The following LMO7 variants were observed in gnomAD, a reference collection of about 807,000 sequenced individuals.
The protein encoded by LMO7 is LIM domain only protein 7.
In LMO7, 120 loss-of-function variants were observed where a neutral mutation model predicts 206.5. The ratio of observed to expected loss-of-function variants is 0.58; its 90% CI spans 0.50 to 0.68. The LOEUF is 0.68. Ranked by LOEUF, LMO7 falls within the 30% of genes least tolerant of loss-of-function variation. The pLI is 0.00. For synonymous variants in LMO7, 706 were observed against 681.5 expected (o/e 1.04, Z -0.56); for missense variants, 1,959 against 1,957.9 (o/e 1.00, Z -0.01).
chr13:75,728,965 G>A (rs541934762), intron 3 of LMO7, among the ~76,000 whole-genome samples: 1 of 151,968 alleles, frequency 6.6e-6, no homozygotes, highest in South Asian at 2.1e-4. Context: ...TCAGGGCTCT[G>A]TTCTGTTCCA....
At chr13:75,814,127 C>G (rs2056743310) in intron 11 of LMO7, among the ~76,000 whole-genome samples, 1 of 152,154 alleles carries the variant, frequency 6.6e-6, no homozygotes, top group South Asian at 2.1e-4. Context: ...CATATATTCT[C>G]TCAATATAAT....
chr13:75,673,029 T>C (rs1476403814), intron 1 of LMO7, among the ~76,000 whole-genome samples: 1 of 152,204 alleles, frequency 6.6e-6, no homozygotes, highest in Non-Finnish European at 1.5e-5. Context: ...ATTACAAAAA[T>C]TTTTCTCATT....
intron 12 of LMO7, 63 bp downstream of exon 12, chr13:75,817,341 A>G (rs2057118656): frequency 4.8e-6 from 5 of 1,040,046 alleles, no homozygotes; most frequent in Middle Eastern, 2.1e-4. Flanking sequence ...TGCTTCTCTT[A>G]AAGTCAATAT....
intron 4 of LMO7, among the ~76,000 whole-genome samples, chr13:75,764,132 A>G (rs2048549025): frequency 6.6e-6 from 1 of 152,116 alleles, no homozygotes; most frequent in Non-Finnish European, 1.5e-5. Context: ...ATCAGGTGAC[A>G]CCTTTAATTT....
chr13:75,784,997 A>G lies in LMO7; in HGVS notation c.318-10404A>G, dbSNP rs140143839. On this transcript the variant is annotated intron_variant, in intron 4 of 30. Transcript: ENST00000377534. The stretch of plus-strand genomic sequence containing the variant: ...AAGTCTTTTAAAAAGTGCTTTGGCA[A>G]TATTTCATTTGTGAAATTCTGTAGT... Among the ~76,000 whole-genome samples, 452 of 152,252 alleles carry G rather than the reference A, an allele frequency of 3.0e-3. 1 individual carries two copies. Among genetic ancestry groups the G allele is most frequent in the African/African-American group, 9.8e-3 (408 of 41,572 alleles).
Position 75,807,715 on chromosome 13 carries a change from C to T in LMO7, c.1432C>T (p.Leu478Phe), listed in dbSNP as rs754225568. Residue 478 changes from leucine to phenylalanine, a missense_variant, in exon 10 of 31, where the codon CTC becomes TTC. Physicochemically the swap from Leu to Phe is conservative, Grantham distance 22. Coordinates refer to ENST00000377534, the MANE Select transcript of LMO7 (RefSeq NM_001306080.2). ...GGCTTTCCATGCAAATCCATATGTT[C>T]TCCGAGCTTTTGAAGACTTTAGAAA... ...TGAFHANPYVLRAFEDFRKFS... is the reference protein window; with the variant it reads ...TGAFHANPYVFRAFEDFRKFS... 8.1e-6 allele frequency: 13 copies of T among 1,613,826 alleles called. No individual in the cohort carries two copies. The highest frequency in any genetic ancestry group is 8.5e-6 in the Non-Finnish European group (10 of 1,179,896).
chr13:75,802,311 T>G (rs1180673936), intron 7 of LMO7, among the ~76,000 whole-genome samples: 1 of 152,216 alleles, frequency 6.6e-6, no homozygotes, highest in African/African-American at 2.4e-5. Context: ...TGTCAAGGTG[T>G]GACATTTTCA....
intron 3 of LMO7, among the ~76,000 whole-genome samples, chr13:75,731,153 T>A (rs1225590653): frequency 6.6e-6 from 1 of 152,202 alleles, no homozygotes; most frequent in Non-Finnish European, 1.5e-5. Flanking sequence ...GTCCGCCTGG[T>A]GCAGAGCCGA....
At chr13:75,758,699 A>T (rs2047891247) in intron 3 of LMO7, among the ~76,000 whole-genome samples, 1 of 152,148 alleles carries the variant, frequency 6.6e-6, no homozygotes, top group African/African-American at 2.4e-5. Context: ...TATCCTTATC[A>T]ATCTGTACCT....
At chr13:75,771,587 G>GACTTTAAAAACAGAATTTTTAAAGAC (rs1555315460) in intron 4 of LMO7, among the ~76,000 whole-genome samples, 1 of 23,964 alleles carries the variant, frequency 4.2e-5, no homozygotes, top group African/African-American at 1.6e-4. Context: ...AACAGAATTA[G>GACTTTAAAAACAGAATTTTTAAAGAC]TAAGTATATT....
intron 4 of LMO7, among the ~76,000 whole-genome samples, chr13:75,784,900 C>A (rs909588475): frequency 6.6e-6 from 1 of 152,054 alleles, no homozygotes; most frequent in African/African-American, 2.4e-5. Flanking sequence ...AAGGACCCAG[C>A]AGTGGTAAAA....
chr13:75,661,249 T>C (rs940119328), intron 1 of LMO7, among the ~76,000 whole-genome samples: 2 of 152,200 alleles, frequency 1.3e-5, no homozygotes, highest in African/African-American at 2.4e-5. Flanking sequence ...TGTGTATATA[T>C]AGTAGATGCC....
At position 75,823,497 on chromosome 13, in the gene LMO7, A is replaced by G. The variant is rs942936591; in HGVS notation, c.2641-68A>G. Reference sequence around the variant, plus strand: ...TTTAGTTTTAAAATATTAATTTAATAAACAACTTTTAAAAACAGAAATAAA... The same window carrying G: ...TTTAGTTTTAAAATATTAATTTAATGAACAACTTTTAAAAACAGAAATAAA... On this transcript the variant is annotated intron_variant, in intron 14 of 30. Transcript: ENST00000377534. 5 of 1,208,518 alleles carry G rather than the reference A, an allele frequency of 4.1e-6. No homozygotes were observed. The African/African-American group carries it at 7.8e-5, about 19-fold the overall frequency. The allele number at this position is 1,208,518 out of a possible 1,614,324, so 74.9% of individuals were successfully genotyped here. A position where few individuals can be genotyped will look rare whatever the true frequency, so the allele number is the denominator to read the frequency against.
At chr13:75,766,320 C>T (rs899633052) in intron 4 of LMO7, among the ~76,000 whole-genome samples, 5 of 139,968 alleles carry the variant, frequency 3.6e-5, no homozygotes, top group African/African-American at 1.3e-4. Flanking sequence ...ATGTCCTATT[C>T]TGGCCTGATT....
intron 1 of LMO7, among the ~76,000 whole-genome samples, chr13:75,648,477 G>C (rs1036241206): frequency 1.3e-5 from 2 of 152,032 alleles, no homozygotes; most frequent in African/African-American, 4.8e-5. Context: ...ATCTTCCTCT[G>C]TTTCTCACCC....
chr13:75,741,744 G>A (rs1380020278), intron 3 of LMO7, among the ~76,000 whole-genome samples: 1 of 152,088 alleles, frequency 6.6e-6, no homozygotes, highest in Admixed American at 6.6e-5. Flanking sequence ...AATAATAAGA[G>A]CCATCTTTGA....
rs139960268 is a variant in LMO7, at chr13:75,696,378, C to G, written c.70-16804C>G. ...TCAAAAAAACAAACAAACAAACAAA[C>G]AAACAAAAACCCGAAGCATTTAAAG... On this transcript the variant is annotated intron_variant, in intron 1 of 30. Coordinates refer to ENST00000377534, the MANE Select transcript of LMO7 (RefSeq NM_001306080.2). Among the ~76,000 whole-genome samples, 845 of 145,564 alleles carry G rather than the reference C, an allele frequency of 5.8e-3. 15 individuals are homozygous for G. The highest frequency in any genetic ancestry group is 0.019 in the African/African-American group (790 of 41,088).
chr13:75,757,975 G>A (rs2047824886), intron 3 of LMO7, among the ~76,000 whole-genome samples: 1 of 152,020 alleles, frequency 6.6e-6, no homozygotes, highest in South Asian at 2.1e-4. Flanking sequence ...GTTGGGCCAG[G>A]GAGGGTTGGG....
intron 3 of LMO7, among the ~76,000 whole-genome samples, chr13:75,755,796 A>G (rs2047644521): frequency 6.6e-6 from 1 of 152,192 alleles, no homozygotes; most frequent in Non-Finnish European, 1.5e-5. Flanking sequence ...CCTTGTACCT[A>G]GGAATTCTAC....
Sources: allele counts gnomAD v4.1 joint callset (sites outside exome capture counted in the v4.1 genomes callset), GRCh38; gene constraint gnomAD v4.1.1; transcripts MANE v1.5; gene names NCBI Gene and HGNC (gene_info 2026-07-23, HGNC 2026-07-21).